SRC: variants seen among roughly 807,000 people sequenced by gnomAD.
SRC encodes the protein proto-oncogene tyrosine-protein kinase Src.
A neutral mutation model predicts 62.9 loss-of-function variants in SRC; 13 were observed. The observed-to-expected ratio is 0.21, with a 90% CI of 0.13 to 0.33. The LOEUF (loss-of-function observed/expected upper bound fraction) is 0.33, where lower values mean the gene tolerates loss of function less well. Ranked by LOEUF, SRC falls within the 10% of genes least tolerant of loss-of-function variation. The pLI is 1.00. For missense variants in SRC, 457 were observed against 737.3 expected (o/e 0.62, Z 4.40); for synonymous variants, 302 against 317.5 (o/e 0.95, Z 0.52).
At chr20:37,361,025 C>T (rs2069960476) in intron 1 of SRC, among the ~76,000 whole-genome samples, 2 of 152,016 alleles carry the variant, frequency 1.3e-5, no homozygotes, top group South Asian at 4.2e-4. Flanking sequence ...GGCGGTCCCT[C>T]TCTCAGCTTG....
rs2070692949 is a variant in SRC, at chr20:37,398,538, G to A, written c.859+684G>A. 6.6e-6 allele frequency among the ~76,000 whole-genome samples: 1 copy of A among 152,210 alleles called. No individual in the cohort carries two copies. Among genetic ancestry groups the A allele is most frequent in the South Asian group, 2.1e-4 (1 of 4,838 alleles). The stretch of plus-strand genomic sequence containing the variant: ...AGCCGCATCTCCACTCACTCCCACT[G>A]CCTCCACGTTCCGCCCTCCAGAGGG... On this transcript the variant is annotated intron_variant, in intron 9 of 13. Coordinates refer to ENST00000373578, the MANE Select transcript of SRC (RefSeq NM_198291.3). The surrounding 1 kb of genome is among the most constrained non-coding windows in gnomAD (Gnocchi z 5.2).
chr20:37,389,251 G>T (rs117077500), intron 5 of SRC, among the ~76,000 whole-genome samples: 6 of 152,146 alleles, frequency 3.9e-5, no homozygotes, highest in Non-Finnish European at 7.4e-5. Context: ...AGTCTCAGGA[G>T]TCAGGGCCCC....
chr20:37,394,348 G>A, intron 7 of SRC, 71 bp downstream of exon 7: 1 of 1,415,500 alleles, frequency 7.1e-7, no homozygotes, highest in South Asian at 1.2e-5. Context: ...GTTGTGGAAT[G>A]AGCAGGAGTT....
Position 37,398,119 on chromosome 20 carries a change from C to T in SRC, c.859+265C>T, listed in dbSNP as rs933538213. On this transcript the variant is annotated intron_variant, in intron 9 of 13. Transcript: ENST00000373578. The surrounding 1 kb of genome is among the most constrained non-coding windows in gnomAD (Gnocchi z 5.2). ...ACAGACCTGCTGTGTAGGCTGGGCC[C>T]GGTGGCCTCACTCAGAGCCTCAGTC... is the stretch of plus-strand genomic sequence containing the variant. 2.6e-5 allele frequency among the ~76,000 whole-genome samples: 4 copies of T among 152,078 alleles called. No individual in the cohort carries two copies. Among genetic ancestry groups the T allele is most frequent in the Admixed American group, 6.5e-5 (1 of 15,278 alleles).
intron 1 of SRC, among the ~76,000 whole-genome samples, chr20:37,352,272 G>A (rs572619951): frequency 3.3e-5 from 5 of 152,342 alleles, no homozygotes; most frequent in Admixed American, 6.5e-5. Context: ...GGAAGTGCAT[G>A]ATATTTATGA....
In SRC at chr20:37,384,289, G is replaced by T. The variant is rs770744364; in HGVS notation, c.136G>T (p.Gly46Cys). 1.3e-6 allele frequency: 2 copies of T among 1,496,990 alleles called. No individual in the cohort carries two copies. The highest frequency in any genetic ancestry group is 2.4e-5 in the Admixed American group (1 of 42,508). 92.7% of individuals were successfully genotyped at this position (1,496,990 alleles called of 1,614,324 possible). Residue 46 changes from glycine to cysteine, a missense_variant, in exon 4 of 14, where the codon GGC (glycine) becomes TGC (cysteine). Transcript: ENST00000373578. The surrounding 1 kb of genome is among the most constrained non-coding windows in gnomAD (Gnocchi z 6.7). ...CCCCAGCAAGCCAGCCTCGGCCGAC[G>T]GCCACCGCGGCCCCAGCGCGGCCTT... ...QTPSKPASADGHRGPSAAFAP... is the reference protein window; with the variant it reads ...QTPSKPASADCHRGPSAAFAP...
chr20:37,386,110 G>C lies in SRC; in HGVS notation c.286G>C (p.Glu96Gln). The C allele has an allele frequency of 6.2e-7, 1 of 1,614,168 alleles. No individual in the cohort carries two copies. The highest frequency in any genetic ancestry group is 1.1e-5 in the South Asian group (1 of 91,084). ...VTTFVALYDY[E>Q]SRTETDLSFK... ...CACCTTTGTGGCCCTCTATGACTAT[G>C]AGTCTAGGACGGAGACAGACCTGTC... The change falls in exon 5 of 14, where the codon GAG (glutamate) becomes CAG (glutamine). Residue 96 changes from glutamate to glutamine, a missense_variant. Coordinates refer to ENST00000373578, the MANE Select transcript of SRC (RefSeq NM_198291.3).
At position 37,386,481 on chromosome 20, in the gene SRC, T is replaced by C. The variant is rs1021242879; in HGVS notation, c.350+307T>C. 7.4e-5 allele frequency: 53 copies of C among 714,852 alleles called. No homozygotes were observed. The East Asian group carries it at 1.3e-3, about 18-fold the overall frequency. The allele number at this position is 714,852 out of a possible 1,614,324, so 44.3% of individuals were successfully genotyped here. A position where few individuals can be genotyped will look rare whatever the true frequency, so the allele number is the denominator to read the frequency against. ...TTAGGAGGAAGGTGGATGTCAGGTG[T>C]GTACATGCTCCGTGGGCGGCGGGCT... On this transcript the variant is annotated intron_variant, in intron 5 of 13. Coordinates refer to ENST00000373578, the MANE Select transcript of SRC (RefSeq NM_198291.3).
At chr20:37,377,990 A>T (rs1324733487) in intron 2 of SRC, among the ~76,000 whole-genome samples, 1 of 151,978 alleles carries the variant, frequency 6.6e-6, no homozygotes, top group East Asian at 1.9e-4. Context: ...TAAGTAGGGT[A>T]TCCGTCACCT....
chr20:37,347,769 G>A (rs139932014), intron 1 of SRC, among the ~76,000 whole-genome samples: 1 of 152,264 alleles, frequency 6.6e-6, no homozygotes, highest in Non-Finnish European at 1.5e-5. Context: ...TCATTTTGCT[G>A]ATGGGGAAAC....
At chr20:37,368,145 C>T (rs551360718) in intron 2 of SRC, among the ~76,000 whole-genome samples, 22 of 152,174 alleles carry the variant, frequency 1.4e-4, no homozygotes, top group South Asian at 8.3e-4. Context: ...TGGCCAGGTG[C>T]GGTGGCTCAC....
At position 37,404,554 on chromosome 20, in the gene SRC, G is replaced by C. The variant is rs1237499718; in HGVS notation, c.*1175G>C. On this transcript the variant is annotated 3_prime_UTR_variant, in exon 14 of 14. Transcript: ENST00000373578. The stretch of plus-strand genomic sequence containing the variant: ...TCGGCACCCTTTAACTCATGAGGAG[G>C]GAAAAGAGTGCCTAAGCGGGGGTGA... The C allele has an allele frequency of 1.3e-5, 3 of 233,608 alleles. No homozygotes were observed. The highest frequency in any genetic ancestry group is 8.5e-6 in the Non-Finnish European group (1 of 118,048). The allele number at this position is 233,608 out of a possible 1,614,324, so 14.5% of individuals were successfully genotyped here.
chr20:37,345,486 T>TAA (rs2069703249), upstream of SRC, among the ~76,000 whole-genome samples: 1 of 152,172 alleles, frequency 6.6e-6, no homozygotes, highest in Non-Finnish European at 1.5e-5. Flanking sequence ...CTGCCAGGGA[T>TAA]GTTTTGCCCT....
At chr20:37,395,310 A>G (rs1260867291) in intron 7 of SRC, among the ~76,000 whole-genome samples, 2 of 152,238 alleles carry the variant, frequency 1.3e-5, no homozygotes, top group Admixed American at 6.5e-5. Flanking sequence ...TCTGTGGGCT[A>G]GGATGGCTGG....
intron 7 of SRC, among the ~76,000 whole-genome samples, chr20:37,395,540 G>T (rs1362911384): frequency 6.6e-6 from 1 of 152,162 alleles, no homozygotes; most frequent in Non-Finnish European, 1.5e-5. Context: ...ACCAGGGCTG[G>T]CCCCGTTTGA....
intron 11 of SRC, chr20:37,401,899 C>T: frequency 2.2e-6 from 1 of 460,804 alleles, no homozygotes; most frequent in Admixed American, 4.1e-5. Flanking sequence ...TCAGGGGTCA[C>T]TGACTTACTG....
rs1172624461 is a variant in SRC at position 37,398,365 on chromosome 20, C to T, written c.859+511C>T. ...AAGCATGAGCACCGTGCAGCCCTGACAAAACCCAGGCCCCTCTTCCACCGG... is the reference window on the plus strand; with the variant it reads ...AAGCATGAGCACCGTGCAGCCCTGATAAAACCCAGGCCCCTCTTCCACCGG... On this transcript the variant is annotated intron_variant, in intron 9 of 13. Coordinates refer to ENST00000373578, the MANE Select transcript of SRC (RefSeq NM_198291.3). This position sits in a 1 kb window ranked among gnomAD's most constrained non-coding sequence, Gnocchi z 5.2. Among the ~76,000 whole-genome samples the T allele has an allele frequency of 1.3e-5, 2 of 152,234 alleles. No homozygotes were observed. The highest frequency in any genetic ancestry group is 4.8e-5 in the African/African-American group (2 of 41,456).
chr20:37,361,531 C>T (rs2069969481), intron 1 of SRC, among the ~76,000 whole-genome samples: 1 of 152,216 alleles, frequency 6.6e-6, no homozygotes, highest in Non-Finnish European at 1.5e-5. Flanking sequence ...GGAGATACTG[C>T]ATGGGTGTGG....
intron 2 of SRC, among the ~76,000 whole-genome samples, chr20:37,376,478 CA>C (rs1010883171): frequency 1.3e-5 from 2 of 152,192 alleles, no homozygotes; most frequent in Non-Finnish European, 2.9e-5. Context: ...CTGAACCTGG[CA>C]TTCTGGCCCC....
Sources: allele counts gnomAD v4.1 joint callset (sites outside exome capture counted in the v4.1 genomes callset), GRCh38; gene constraint gnomAD v4.1.1; non-coding constraint Gnocchi (gnomAD v3.1); transcripts MANE v1.5; gene names NCBI Gene and HGNC (gene_info 2026-07-23, HGNC 2026-07-21).